TASP1: variants seen among roughly 807,000 people sequenced by gnomAD.
The protein encoded by TASP1 is threonine aspartase 1.
Under a neutral mutation model 56.6 loss-of-function variants are expected in TASP1, and 16 were observed. The ratio of observed to expected loss-of-function variants is 0.28; its 90% CI spans 0.19 to 0.43. The LOEUF (loss-of-function observed/expected upper bound fraction) is 0.43, where lower values mean the gene tolerates loss of function less well. Ranked by LOEUF, TASP1 falls within the 20% of genes least tolerant of loss-of-function variation. The probability of loss-of-function intolerance (pLI) is 1.00; values close to 1 mark genes in which losing one functional copy is unlikely to be tolerated. For missense variants in TASP1, 393 were observed against 511.6 expected, an observed-to-expected ratio of 0.77 and a Z score of 2.24; for synonymous variants, 179 against 184.2, an observed-to-expected ratio of 0.97 and a Z score of 0.23.
intron 6 of TASP1, among the ~76,000 whole-genome samples, chr20:13,578,903 T>C (rs1391325477): frequency 1.3e-5 from 2 of 152,364 alleles, no homozygotes; most frequent in East Asian, 3.9e-4. Flanking sequence ...TCATCTGTTT[T>C]ACAACTGTCT....
In TASP1 at chr20:13,630,837, AAG is replaced by A. The variant is rs569950904; in HGVS notation, c.-74-687_-74-686del. On this transcript the variant is annotated intron_variant, in intron 1 of 13. Transcript: ENST00000337743. ...ATCCCAGTGTTTATTACCAGCCCAC[AAG>A]AGAGTATTATTTTATTCATGTTAGT... Among the ~76,000 whole-genome samples the A allele has an allele frequency of 2.4e-4, 37 of 152,230 alleles. No individual in the cohort carries two copies. The South Asian group carries it at 7.5e-3, about 31-fold the overall frequency.
At chr20:13,304,842 C>T in the TASP1 span, among the ~76,000 whole-genome samples, 4 of 152,154 alleles carry the variant, frequency 2.6e-5, no homozygotes, top group Non-Finnish European at 4.4e-5. Context: ...TGAAAACACA[C>T]ACTTTATTAG....
chr20:13,196,959 T>C, the TASP1 span, among the ~76,000 whole-genome samples: 1 of 152,320 alleles, frequency 6.6e-6, no homozygotes, highest in South Asian at 2.1e-4. Context: ...TCAGCCAAGT[T>C]TACTCTGGCA....
the TASP1 span, chr20:13,117,784 T>C: frequency 6.2e-6 from 9 of 1,448,194 alleles, no homozygotes; most frequent in African/African-American, 1.4e-5. Flanking sequence ...ATGCCGTGTG[T>C]AGGGCTTCTC....
chr20:13,357,202 C>T, the TASP1 span, among the ~76,000 whole-genome samples: 3 of 152,112 alleles, frequency 2.0e-5, no homozygotes, highest in East Asian at 5.8e-4. Context: ...AATAGGCTTA[C>T]AAAGATCTGC....
At chr20:13,294,354 T>C in the TASP1 span, among the ~76,000 whole-genome samples, 1 of 152,212 alleles carries the variant, frequency 6.6e-6, no homozygotes, top group Non-Finnish European at 1.5e-5. Flanking sequence ...AGGAACCGTC[T>C]GCAAATACAA....
intron 8 of TASP1, among the ~76,000 whole-genome samples, chr20:13,556,659 A>ACT (rs1259367817): frequency 1.3e-5 from 2 of 151,640 alleles, no homozygotes; most frequent in African/African-American, 4.8e-5. Flanking sequence ...TGGCACACTG[A>ACT]CTCTCTCTCT....
the TASP1 span, among the ~76,000 whole-genome samples, chr20:13,317,915 C>T: frequency 1.3e-3 from 15 of 11,750 alleles, no homozygotes; most frequent in Admixed American, 0.015. Flanking sequence ...ACCAAAGGCA[C>T]TATCCGTGGA....
chr20:13,128,872 T>C, the TASP1 span, among the ~76,000 whole-genome samples: 2 of 25,204 alleles, frequency 7.9e-5, no homozygotes, highest in South Asian at 1.7e-3. Flanking sequence ...GCCCAGCTAA[T>C]TTTTTTTTTT....
In TASP1 at chr20:13,580,963, G is replaced by A. The variant is rs746349879; in HGVS notation, c.422C>T (p.Ser141Leu). ...GALSGIKNPV[S>L]VANRLLCEGQ... is the part of the protein sequence containing the mutation. Reference sequence around the variant, plus strand: ...TTCACATAAGAGTCTGTTGGCAACCGAGACTGGGTTCTTGATTCCTATAAA... The same window carrying A: ...TTCACATAAGAGTCTGTTGGCAACCAAGACTGGGTTCTTGATTCCTATAAA... Residue 141 changes from serine to leucine, a missense_variant, in exon 6 of 14, where the codon TCG (serine) becomes TTG (leucine). Ser to Leu is a moderately radical substitution (Grantham distance 145, BLOSUM62 -2). Transcript: ENST00000337743. 3.7e-6 allele frequency: 6 copies of A among 1,607,832 alleles called. No individual in the cohort carries two copies. Among genetic ancestry groups the A allele is most frequent in the East Asian group, 4.5e-5 (2 of 44,752 alleles).
At chr20:13,126,756 C>CT in the TASP1 span, 2 of 1,609,882 alleles carry the variant, frequency 1.2e-6, no homozygotes, top group Non-Finnish European at 8.5e-7. Flanking sequence ...CTGGACCTCT[C>CT]TGTCTCCCTT....
At chr20:13,326,344 G>A in the TASP1 span, among the ~76,000 whole-genome samples, 155 of 152,224 alleles carry the variant, frequency 1.0e-3, 3 homozygotes, top group African/African-American at 3.4e-3. Flanking sequence ...GAGTGGGACC[G>A]TTGGGTCATG....
intron 11 of TASP1, among the ~76,000 whole-genome samples, chr20:13,479,488 GT>G (rs1212385551): frequency 4.7e-5 from 7 of 148,050 alleles, no homozygotes; most frequent in African/African-American, 1.8e-4. Flanking sequence ...TTGAGACAGA[GT>G]TTTTGCTCTA....
At chr20:13,178,198 A>C in the TASP1 span, among the ~76,000 whole-genome samples, 1 of 152,212 alleles carries the variant, frequency 6.6e-6, no homozygotes, top group African/African-American at 2.4e-5. Flanking sequence ...TAAAAACCAC[A>C]GTGAGGTAAT....
chr20:13,241,525 G>A, the TASP1 span, among the ~76,000 whole-genome samples: 1 of 152,112 alleles, frequency 6.6e-6, no homozygotes, highest in Non-Finnish European at 1.5e-5. Flanking sequence ...CTTGTTCTGT[G>A]TAACAATTGG....
chr20:13,432,769 T>C (rs557347015), intron 12 of TASP1, among the ~76,000 whole-genome samples: 40 of 152,170 alleles, frequency 2.6e-4, no homozygotes, highest in Non-Finnish European at 3.8e-4. Context: ...CTATGACTTA[T>C]CCTTAAATAT....
At chr20:13,272,282 T>C in the TASP1 span, among the ~76,000 whole-genome samples, 1 of 152,352 alleles carries the variant, frequency 6.6e-6, no homozygotes, top group African/African-American at 2.4e-5. Flanking sequence ...TCAGGTTTCG[T>C]TGACCTGAGT....
the TASP1 span, chr20:13,279,973 C>A: frequency 7.2e-7 from 1 of 1,395,884 alleles, no homozygotes; most frequent in Non-Finnish European, 9.8e-7. Flanking sequence ...TGGAGCCAAG[C>A]AAAACCCTGC....
rs1204430235 is a variant in TASP1 at position 13,492,828 on chromosome 20, G to C, written c.875-9491C>G. On this transcript the variant is annotated intron_variant, in intron 10 of 13. Transcript: ENST00000337743. ...AAACCAATTTTATAATTATCTCCTA[G>C]AGATATCATCTCTTACAAAGTAGGG... Among the ~76,000 whole-genome samples the C allele has an allele frequency of 2.6e-5, 4 of 152,064 alleles. No individual in the cohort carries two copies. The South Asian group carries it at 6.2e-4, about 24-fold the overall frequency.
Sources: gnomAD v4.1 joint callset for allele counts (sites outside exome capture counted in the v4.1 genomes callset) on GRCh38, gnomAD v4.1.1 for gene constraint, MANE v1.5 for transcripts, NCBI Gene and HGNC (gene_info 2026-07-23, HGNC 2026-07-21) for gene names.